Variants in DSC1 observed in about 807,000 individuals in gnomAD.
The protein encoded by DSC1 is desmocollin 1.
A neutral mutation model predicts 98.8 loss-of-function variants in DSC1; 79 were observed. The observed-to-expected ratio is 0.80, with a 90% CI of 0.67 to 0.96. The LOEUF (loss-of-function observed/expected upper bound fraction) is 0.96, where lower values mean the gene tolerates loss of function less well. DSC1 is among the 50% of genes least tolerant of loss of function. The pLI is 0.00. For synonymous variants in DSC1, 405 were observed against 372.1 expected (o/e 1.09, Z -1.02); for missense variants, 1,115 against 1,075.9 (o/e 1.04, Z -0.51).
chr18:31,162,658 C>G lies in DSC1; in HGVS notation c.-64G>C, dbSNP rs116786335. 6.7e-7 allele frequency: 1 copy of G among 1,489,964 alleles called. No homozygotes were observed. The highest frequency in any genetic ancestry group is 2.3e-5 in the East Asian group (1 of 44,216). The allele number at this position is 1,489,964 out of a possible 1,614,324, so 92.3% of individuals were successfully genotyped here. On this transcript the variant is annotated 5_prime_UTR_variant, in exon 1 of 16. Transcript: ENST00000257198. ...ACAGGGCAGCCTGGGATGCACAGAG[C>G]GGCTAAGAAGACGCTGGCACTTGCA...
intron 11 of DSC1, among the ~76,000 whole-genome samples, chr18:31,137,218 T>C (rs1426836740): frequency 6.6e-6 from 1 of 152,204 alleles, no homozygotes; most frequent in African/African-American, 2.4e-5. Context: ...CTCCTAATGA[T>C]TTCCTGTAAT....
intron 9 of DSC1, among the ~76,000 whole-genome samples, chr18:31,140,889 C>T (rs1988720701): frequency 6.6e-6 from 1 of 152,112 alleles, no homozygotes. Context: ...GTGGGAGGGA[C>T]CCAGGGCAAG....
chr18:31,130,717 T>C lies in DSC1; in HGVS notation c.2488-6A>G. The C allele has an allele frequency of 6.2e-7, 1 of 1,612,934 alleles. No homozygotes were observed. Among genetic ancestry groups the C allele is most frequent in the Non-Finnish European group, 8.5e-7 (1 of 1,179,702 alleles). On this transcript the variant is annotated splice_polypyrimidine_tract_variant and splice_region_variant and intron_variant, in intron 15 of 15. Transcript: ENST00000257198. ...TGTCCACACAAATACACCTTCTGTATCAAAAAAGAGCACATTTTATTATTT... is the reference window on the plus strand; with the variant it reads ...TGTCCACACAAATACACCTTCTGTACCAAAAAAGAGCACATTTTATTATTT...
In DSC1 at chr18:31,133,955, T is replaced by C; in HGVS notation, c.2052A>G (p.Arg684=). 6.2e-7 allele frequency: 1 copy of C among 1,613,418 alleles called. No homozygotes were observed. ...RMKDKSTRDV[R]PNVILGRWAI... ...CCCATCTTCCAAGTATTACATTTGG[T>C]CTAACGTCTCTTGTACTTTTATCCT... Residue 684 remains arginine, a synonymous_variant, in exon 13 of 16, where the codon AGA becomes AGG. Coordinates refer to ENST00000257198, the MANE Select transcript of DSC1 (RefSeq NM_024421.2).
intron 14 of DSC1, 185 bp downstream of exon 14, chr18:31,132,383 G>T: frequency 1.5e-6 from 1 of 667,128 alleles, no homozygotes; most frequent in Non-Finnish European, 2.4e-6. Context: ...TCAGTTTGTT[G>T]TGACAGCCCT....
chr18:31,161,289 A>G (rs996972170), intron 1 of DSC1, among the ~76,000 whole-genome samples: 1 of 152,102 alleles, frequency 6.6e-6, no homozygotes, highest in Admixed American at 6.5e-5. Flanking sequence ...GACCACTCAT[A>G]TATGTAGTCC....
At chr18:31,144,936 C>CTTTTTTTTTT (rs200787420) in intron 7 of DSC1, among the ~76,000 whole-genome samples, 1 of 95,310 alleles carries the variant, frequency 1.0e-5, no homozygotes, top group Non-Finnish European at 1.9e-5. Flanking sequence ...TTTTCTTTTT[C>CTTTTTTTTTT]TTTCTTTTTT....
chr18:31,140,397 T>G, intron 9 of DSC1, 96 bp from the exon 10 acceptor site: 1 of 1,318,732 alleles, frequency 7.6e-7, no homozygotes, highest in Non-Finnish European at 1.0e-6. Flanking sequence ...ATTTTTACAT[T>G]TAAAATGTAA....
rs1988706055 is a variant in DSC1, at chr18:31,140,266, C to A, written c.1296G>T (p.Leu432Phe). ...GTGCCTCGTTAATGACACCAACTTG[C>A]AAAATAACTTGGCGATTGACTTCAT... is the stretch of plus-strand genomic sequence containing the variant. Reference protein sequence around the residue: ...LNYEVNRQVILQVGVINEAQF... With the variant: ...LNYEVNRQVIFQVGVINEAQF... The change falls in exon 10 of 16, where the codon TTG (leucine) becomes TTT (phenylalanine). Residue 432 changes from leucine to phenylalanine, a missense_variant. Physicochemically the swap from Leu to Phe is conservative, Grantham distance 22. Transcript: ENST00000257198. The A allele has an allele frequency of 6.2e-7, 1 of 1,613,812 alleles. No homozygotes were observed. Among genetic ancestry groups the A allele is most frequent in the Admixed American group, 1.7e-5 (1 of 59,966 alleles).
At chr18:31,149,309 C>T (rs1760849803) in intron 5 of DSC1, among the ~76,000 whole-genome samples, 1 of 152,178 alleles carries the variant, frequency 6.6e-6, no homozygotes, top group African/African-American at 2.4e-5. Flanking sequence ...ATGGGAACAA[C>T]TAAACCTACC....
At position 31,157,349 on chromosome 18, in the gene DSC1, T is replaced by C. The variant is rs780097173; in HGVS notation, c.351+22A>G. 4 of 1,612,754 alleles carry C rather than the reference T, an allele frequency of 2.5e-6. No individual in the cohort carries two copies. In the South Asian group the frequency reaches 4.4e-5, roughly 18 times the overall value. On this transcript the variant is annotated intron_variant, in intron 3 of 15. Coordinates refer to ENST00000257198, the MANE Select transcript of DSC1 (RefSeq NM_024421.2). Reference sequence around the variant, plus strand: ...CCGTAAGCATATTACTGTGCTAGGCTGCTTAAGCCCTTGCCTTATACCTTG... The same window carrying C: ...CCGTAAGCATATTACTGTGCTAGGCCGCTTAAGCCCTTGCCTTATACCTTG...
chr18:31,135,518 C>T (rs1988592251), intron 11 of DSC1, among the ~76,000 whole-genome samples: 1 of 152,116 alleles, frequency 6.6e-6, no homozygotes. Context: ...ACACATTGAA[C>T]ATAATGCAGT....
At position 31,162,553 on chromosome 18, in the gene DSC1, C is replaced by T. The variant is rs748091048; in HGVS notation, c.42G>A (p.Lys14=). ...ASAAPGSIFC[K]QLLFSLLVLT... ...TCACCAGGAGAGAGAAAAGGAGCTG[C>T]TTACAGAAGATGCTCCCTGGGGCAG... The change falls in exon 1 of 16, where the codon AAG becomes AAA. Residue 14 remains lysine, a synonymous_variant. Coordinates refer to ENST00000257198, the MANE Select transcript of DSC1 (RefSeq NM_024421.2). 6.2e-7 allele frequency: 1 copy of T among 1,614,156 alleles called. No individual in the cohort carries two copies. Among genetic ancestry groups the T allele is most frequent in the South Asian group, 1.1e-5 (1 of 91,084 alleles).
In DSC1 at chr18:31,132,603, C is replaced by A. The variant is rs1270230289; in HGVS notation, c.2203G>T (p.Val735Leu). Residue 735 changes from valine (V) to leucine (L), a missense_variant, in exon 14 of 16, where the codon GTA (valine) becomes TTA (leucine). Val to Leu is a conservative substitution (Grantham distance 32). Coordinates refer to ENST00000257198, the MANE Select transcript of DSC1 (RefSeq NM_024421.2). Reference protein sequence around the residue: ...PEDIAQQNLIVSNTEGPGEEV... With the variant: ...PEDIAQQNLILSNTEGPGEEV... ...TCTCCAGGTCCTTCAGTATTTGATA[C>A]AATTAAATTTTGCTGGGCTATGTCT... 1 of 1,613,352 alleles carries A rather than the reference C, an allele frequency of 6.2e-7. No homozygotes were observed. Among genetic ancestry groups the A allele is most frequent in the African/African-American group, 1.3e-5 (1 of 74,862 alleles).
chr18:31,140,646 C>A (rs1988714815), intron 9 of DSC1, among the ~76,000 whole-genome samples: 1 of 152,190 alleles, frequency 6.6e-6, no homozygotes, highest in Non-Finnish European at 1.5e-5. Context: ...ACAGTGACAA[C>A]TAAATTGCCT....
chr18:31,148,784 G>T, intron 5 of DSC1, 142 bp from the exon 6 acceptor site: 1 of 755,222 alleles, frequency 1.3e-6, no homozygotes. Flanking sequence ...GCAATAGAGA[G>T]ATAACCCACA....
Position 31,134,054 on chromosome 18 carries a change from C to T in DSC1, c.1953G>A (p.Arg651=). Residue 651 remains arginine (R), a synonymous_variant, in exon 13 of 16, where the codon AGG becomes AGA. Transcript: ENST00000257198. ...YYSVPIQIKD[R]HGLVATHMLT... is the part of the protein sequence containing the mutation. ...ACATATGTGTTGCAACTAAACCATG[C>T]CTGTCTTTTATTTGAATAGGCACAG... The T allele has an allele frequency of 6.2e-7, 1 of 1,612,182 alleles. No homozygotes were observed. Among genetic ancestry groups the T allele is most frequent in the South Asian group, 1.1e-5 (1 of 91,050 alleles).
Position 31,130,077 on chromosome 18 carries a change from T to A in DSC1, c.*437A>T, listed in dbSNP as rs896655307. ...CACTCAGGTGGAGAGAATGCAATTA[T>A]CTGGCACCAACTATGTTCTAAGAAC... On this transcript the variant is annotated 3_prime_UTR_variant, in exon 16 of 16. Coordinates refer to ENST00000257198, the MANE Select transcript of DSC1 (RefSeq NM_024421.2). 3 of 162,364 alleles carry A rather than the reference T, an allele frequency of 1.8e-5. No homozygotes were observed. Among genetic ancestry groups the A allele is most frequent in the African/African-American group, 7.2e-5 (3 of 41,560 alleles). The allele number at this position is 162,364 out of a possible 1,614,324, so 10.1% of individuals were successfully genotyped here. A position where few individuals can be genotyped will look rare whatever the true frequency, so the allele number is the denominator to read the frequency against.
chr18:31,134,713 T>C lies in DSC1; in HGVS notation c.1735A>G (p.Lys579Glu), dbSNP rs374531914. The change falls in exon 12 of 16, where the codon AAA (lysine) becomes GAA (glutamate). Residue 579 changes from lysine to glutamate, a missense_variant. Lys to Glu is a moderately conservative substitution (Grantham distance 56). Transcript: ENST00000257198. ...DYNDHAPQID[K>E]EVTICQNNED... ...TTATTCTGACAAATGGTCACTTCTT[T>C]GTCAATTTGAGGTGCGTGATCGTTG... 18 of 1,613,316 alleles carry C rather than the reference T, an allele frequency of 1.1e-5. No individual in the cohort carries two copies. Among genetic ancestry groups the C allele is most frequent in the African/African-American group, 9.3e-5 (7 of 75,026 alleles).
Sources: gnomAD v4.1 joint callset for allele counts (sites outside exome capture counted in the v4.1 genomes callset) on GRCh38, gnomAD v4.1.1 for gene constraint, MANE v1.5 for transcripts, NCBI Gene and HGNC (gene_info 2026-07-23, HGNC 2026-07-21) for gene names.